Variants in OR9Q1 observed in about 807,000 individuals in gnomAD.
OR9Q1 encodes the protein olfactory receptor family 9 subfamily Q member 1.
For missense variants in OR9Q1, 374 were observed against 378.8 expected, an observed-to-expected ratio of 0.99 and a Z score of 0.11; for synonymous variants, 153 against 148.6, an observed-to-expected ratio of 1.03 and a Z score of -0.22.
At chr11:58,053,219 C>T (rs1314542227) in intron 1 of OR9Q1, among the ~76,000 whole-genome samples, 2 of 151,580 alleles carry the variant, frequency 1.3e-5, no homozygotes, top group African/African-American at 2.4e-5. Context: ...CAATGATAGA[C>T]TGGATTAAGA....
At chr11:58,062,001 T>C (rs1197429976) in intron 2 of OR9Q1, among the ~76,000 whole-genome samples, 4 of 152,184 alleles carry the variant, frequency 2.6e-5, no homozygotes, top group African/African-American at 9.7e-5. Flanking sequence ...GATGATGTCA[T>C]AGTTTCAAGA....
Position 58,181,427 on chromosome 11 carries a change from C to T in OR9Q1, c.*1050C>T, listed in dbSNP as rs1854664650. 6.0e-6 allele frequency: 1 copy of T among 167,044 alleles called. No individual in the cohort carries two copies. The highest frequency in any genetic ancestry group is 2.4e-5 in the African/African-American group (1 of 41,442). 10.3% of individuals were successfully genotyped at this position (167,044 alleles called of 1,614,324 possible). A position where few individuals can be genotyped will look rare whatever the true frequency, so the allele number is the denominator to read the frequency against. ...AAAATCTGTCTGTTCTTAATCTTTA[C>T]TTCTCTAATCACAGGGGACTTGTCT... On this transcript the variant is annotated 3_prime_UTR_variant, in exon 3 of 3. Coordinates refer to ENST00000335397, the MANE Select transcript of OR9Q1 (RefSeq NM_001005212.4).
chr11:58,155,619 A>T (rs1590619618), intron 2 of OR9Q1, among the ~76,000 whole-genome samples: 1 of 152,174 alleles, frequency 6.6e-6, no homozygotes, highest in African/African-American at 2.4e-5. Context: ...AGTAGTACGA[A>T]CTGGGAATCA....
intron 1 of OR9Q1, among the ~76,000 whole-genome samples, chr11:58,032,540 G>T (rs1393680564): frequency 6.6e-6 from 1 of 152,116 alleles, no homozygotes; most frequent in Non-Finnish European, 1.5e-5. Context: ...TCAATAAATG[G>T]TGCTGGGAAA....
intron 2 of OR9Q1, among the ~76,000 whole-genome samples, chr11:58,092,474 T>C (rs1299031352): frequency 1.3e-5 from 2 of 152,038 alleles, no homozygotes; most frequent in Non-Finnish European, 2.9e-5. Flanking sequence ...CAAATTTAGA[T>C]ATGAAAAAAT....
At chr11:58,172,609 A>C (rs1458134087) in intron 2 of OR9Q1, among the ~76,000 whole-genome samples, 2 of 152,202 alleles carry the variant, frequency 1.3e-5, no homozygotes, top group East Asian at 3.9e-4. Context: ...CTGGCTCCAG[A>C]AAGTGATGGA....
At chr11:58,156,969 C>A (rs1854414128) in intron 2 of OR9Q1, among the ~76,000 whole-genome samples, 1 of 152,174 alleles carries the variant, frequency 6.6e-6, no homozygotes, top group Non-Finnish European at 1.5e-5. Context: ...GATAATAAAG[C>A]ATTTTTCTTA....
chr11:58,172,265 T>G (rs754396567), intron 2 of OR9Q1, among the ~76,000 whole-genome samples: 2 of 152,216 alleles, frequency 1.3e-5, no homozygotes, highest in Non-Finnish European at 2.9e-5. Context: ...TGGCTATTCC[T>G]GTGGTCATCA....
chr11:58,111,356 A>T (rs542598814), intron 2 of OR9Q1, among the ~76,000 whole-genome samples: 1 of 152,142 alleles, frequency 6.6e-6, no homozygotes, highest in Admixed American at 6.5e-5. Flanking sequence ...TACTGTGATT[A>T]TTCTGTGCTT....
intron 2 of OR9Q1, among the ~76,000 whole-genome samples, chr11:58,058,516 C>A (rs1853348303): frequency 6.6e-6 from 1 of 152,160 alleles, no homozygotes; most frequent in Non-Finnish European, 1.5e-5. Context: ...CATTCAGCAA[C>A]TCGTGGGCTT....
chr11:58,043,772 G>A (rs1271595830), intron 1 of OR9Q1, among the ~76,000 whole-genome samples: 8 of 152,122 alleles, frequency 5.3e-5, no homozygotes. Context: ...TTCACAGCTC[G>A]ATGCTTGAAT....
At chr11:58,060,361 T>C (rs778783919) in intron 2 of OR9Q1, among the ~76,000 whole-genome samples, 5 of 152,230 alleles carry the variant, frequency 3.3e-5, no homozygotes, top group Non-Finnish European at 7.3e-5. Flanking sequence ...GGTTATTTGC[T>C]ATTTAGAAGA....
chr11:58,138,450 A>T (rs1220790103), intron 2 of OR9Q1, among the ~76,000 whole-genome samples: 5 of 152,240 alleles, frequency 3.3e-5, no homozygotes, highest in Non-Finnish European at 7.3e-5. Flanking sequence ...GGAGCAACTT[A>T]AAAACCTAGT....
chr11:58,043,759 G>A (rs1363965474), intron 1 of OR9Q1, among the ~76,000 whole-genome samples: 1 of 152,186 alleles, frequency 6.6e-6, no homozygotes, highest in African/African-American at 2.4e-5. Flanking sequence ...GTTCCAACGT[G>A]CTTTCACAGC....
At position 58,163,783 on chromosome 11, in the gene OR9Q1, G is replaced by A. The variant is rs148045763; in HGVS notation, c.-14-15648G>A. Among the ~76,000 whole-genome samples, 386 of 152,318 alleles carry A rather than the reference G, an allele frequency of 2.5e-3. 1 individual carries two copies. Among genetic ancestry groups the A allele is most frequent in the African/African-American group, 9.0e-3 (374 of 41,562 alleles). ...GGGCCGTTCTCCCAGGACACAGCTG[G>A]CGAGGGTGGCAGAGCCTGTGATTCA... On this transcript the variant is annotated intron_variant, in intron 2 of 2. Coordinates refer to ENST00000335397, the MANE Select transcript of OR9Q1 (RefSeq NM_001005212.4).
In OR9Q1 at chr11:58,137,584, G is replaced by A. The variant is rs532272827; in HGVS notation, c.-14-41847G>A. ...ATGTAAAGCCACTAGAAAAGTCCTG[G>A]GCATAGAAAGGTACTCACTGCAGGG... On this transcript the variant is annotated intron_variant, in intron 2 of 2. Coordinates refer to ENST00000335397, the MANE Select transcript of OR9Q1 (RefSeq NM_001005212.4). 2.6e-5 allele frequency among the ~76,000 whole-genome samples: 4 copies of A among 152,168 alleles called. No individual in the cohort carries two copies. The South Asian group carries it at 8.3e-4, about 32-fold the overall frequency.
At chr11:58,166,843 G>A (rs1029537876) in intron 2 of OR9Q1, among the ~76,000 whole-genome samples, 2 of 152,156 alleles carry the variant, frequency 1.3e-5, no homozygotes, top group Non-Finnish European at 2.9e-5. Flanking sequence ...GGGAGGACAG[G>A]GAGACTGCTT....
intron 2 of OR9Q1, among the ~76,000 whole-genome samples, chr11:58,096,018 G>T (rs1853727664): frequency 6.6e-6 from 1 of 152,022 alleles, no homozygotes; most frequent in Non-Finnish European, 1.5e-5. Context: ...TGGGACAAAT[G>T]TTACATTGAC....
chr11:58,028,697 C>T (rs1295253590), intron 1 of OR9Q1, among the ~76,000 whole-genome samples: 2 of 152,020 alleles, frequency 1.3e-5, no homozygotes, highest in Non-Finnish European at 2.9e-5. Flanking sequence ...TTCCTTGAGC[C>T]AACAGAAGCA....
Sources: gnomAD v4.1 joint callset for allele counts (sites outside exome capture counted in the v4.1 genomes callset) on GRCh38, gnomAD v4.1.1 for gene constraint, MANE v1.5 for transcripts, NCBI Gene and HGNC (gene_info 2026-07-23, HGNC 2026-07-21) for gene names.